The following RRAD variants were observed in gnomAD, a reference collection of about 807,000 sequenced individuals.
RRAD encodes the protein GTP-binding protein RAD.
RRAD carries 15 observed loss-of-function variants against 24.7 expected under a neutral mutation model. The observed-to-expected ratio is 0.61, with a 90% CI of 0.41 to 0.93. RRAD has a LOEUF of 0.93. Among genes scored for constraint, RRAD ranks in the 40% least tolerant of loss-of-function variants. The pLI is 0.00. For synonymous variants in RRAD, 180 were observed against 189.8 expected (o/e 0.95, Z 0.43); for missense variants, 438 against 452.2 (o/e 0.97, Z 0.29).
intron 4 of RRAD, among the ~76,000 whole-genome samples, chr16:66,922,961 G>A (rs1401014040): frequency 3.9e-5 from 6 of 152,332 alleles, no homozygotes; most frequent in East Asian, 1.9e-4. Flanking sequence ...GATTACAGGC[G>A]TTAGCCACCC....
In RRAD at chr16:66,924,011, C is replaced by T. The variant is rs1382367922; in HGVS notation, c.371-92G>A. On this transcript the variant is annotated intron_variant, in intron 2 of 4. Coordinates refer to ENST00000299759, the MANE Select transcript of RRAD (RefSeq NM_004165.3). This position sits in a 1 kb window ranked among gnomAD's most constrained non-coding sequence, Gnocchi z 4.2. Reference sequence around the variant, plus strand: ...TCTGGCCACACCCTCCAACTCTTCCCCAGAGCCCTCCTTACCCTCCACTCC... The same window carrying T: ...TCTGGCCACACCCTCCAACTCTTCCTCAGAGCCCTCCTTACCCTCCACTCC... 3.1e-6 allele frequency: 3 copies of T among 968,822 alleles called. No individual in the cohort carries two copies. Among genetic ancestry groups the T allele is most frequent in the African/African-American group, 3.2e-5 (2 of 62,478 alleles). The allele number at this position is 968,822 out of a possible 1,614,324, so 60.0% of individuals were successfully genotyped here.
In RRAD at chr16:66,923,692, C is replaced by T; in HGVS notation, c.473G>A (p.Cys158Tyr). Residue 158 changes from cysteine to tyrosine, a missense_variant, in exon 4 of 5, where the codon TGC becomes TAC. By Grantham distance (194) the Cys-to-Tyr change is radical. Transcript: ENST00000299759. This position sits in a 1 kb window ranked among gnomAD's most constrained non-coding sequence, Gnocchi z 4.9. ...QDGGRWLPGH[C>Y]MAMGDAYVIV... Reference sequence around the variant, plus strand: ...GACATAGGCATCCCCCATGGCCATGCAGTGGCCGGGCAACCAGCGGCCCCC... The same window carrying T: ...GACATAGGCATCCCCCATGGCCATGTAGTGGCCGGGCAACCAGCGGCCCCC... The T allele has an allele frequency of 6.2e-7, 1 of 1,614,128 alleles. No individual in the cohort carries two copies. Among genetic ancestry groups the T allele is most frequent in the Non-Finnish European group, 8.5e-7 (1 of 1,180,016 alleles).
In RRAD at chr16:66,924,999, C is replaced by G. The variant is rs761881979; in HGVS notation, c.181G>C (p.Ala61Pro). 152 of 1,431,092 alleles carry G rather than the reference C, an allele frequency of 1.1e-4. 2 individuals carry two copies. The South Asian group carries it at 1.8e-3, about 17-fold the overall frequency. The allele number at this position is 1,431,092 out of a possible 1,614,324, so 88.6% of individuals were successfully genotyped here. The change falls in exon 2 of 5, where the codon GCC becomes CCC. Residue 61 changes from alanine (A) to proline (P), a missense_variant. Physicochemically the swap from Ala to Pro is conservative, Grantham distance 27. Coordinates refer to ENST00000299759, the MANE Select transcript of RRAD (RefSeq NM_004165.3). This position sits in a 1 kb window ranked among gnomAD's most constrained non-coding sequence, Gnocchi z 4.2. Reference protein sequence around the residue: ...LTPGALTAAAAGTGTQGPRLD... With the variant: ...LTPGALTAAAPGTGTQGPRLD... ...CTGGGACCCTGGGTCCCCGTCCCGG[C>G]CGCGGCCGCCGTCAGGGCACCCGGG...
In RRAD at chr16:66,923,482, C is replaced by G. The variant is rs767466375; in HGVS notation, c.649+34G>C. The stretch of plus-strand genomic sequence containing the variant: ...CTGCCTGGATCAGGGCCCAGCTGGG[C>G]TCTCCCTCCCCCTGCAACCTGCCGC... On this transcript the variant is annotated intron_variant, in intron 4 of 4. Coordinates refer to ENST00000299759, the MANE Select transcript of RRAD (RefSeq NM_004165.3). The surrounding 1 kb of genome is among the most constrained non-coding windows in gnomAD (Gnocchi z 4.9). 1.9e-6 allele frequency: 3 copies of G among 1,561,056 alleles called. No homozygotes were observed. The Admixed American group carries it at 5.1e-5, about 26-fold the overall frequency.
Position 66,923,246 on chromosome 16 carries a change from C to G in RRAD, c.649+270G>C, listed in dbSNP as rs183365824. On this transcript the variant is annotated intron_variant, in intron 4 of 4. Coordinates refer to ENST00000299759, the MANE Select transcript of RRAD (RefSeq NM_004165.3). The surrounding 1 kb of genome is among the most constrained non-coding windows in gnomAD (Gnocchi z 4.9). ...CACTCTCTTCCACCCATTTACCCCC[C>G]CAACCAGCCAGGCCAGGACCAAGAG... 6.5e-4 allele frequency among the ~76,000 whole-genome samples: 99 copies of G among 152,298 alleles called. 1 individual carries two copies. Among genetic ancestry groups the G allele is most frequent in the Middle Eastern group, 3.4e-3 (1 of 294 alleles).
chr16:66,924,884 G>GC lies in RRAD; in HGVS notation c.295dup (p.Ala99GlyfsTer21). On this transcript the variant is annotated frameshift_variant, in exon 2 of 5. Coordinates refer to ENST00000299759, the MANE Select transcript of RRAD (RefSeq NM_004165.3). LOFTEE classifies it high-confidence loss of function. This position sits in a 1 kb window ranked among gnomAD's most constrained non-coding sequence, Gnocchi z 4.2. ...CAGGGCGCTCTTGCCCACGCCGGGCGCCCCCAGCAGCAGCACCTTGTAAAC... is the reference window on the plus strand; with the variant it reads ...CAGGGCGCTCTTGCCCACGCCGGGCGCCCCCCAGCAGCAGCACCTTGTAAAC... 1 of 1,584,772 alleles carries GC rather than the reference G, an allele frequency of 6.3e-7. No homozygotes were observed. Among genetic ancestry groups the GC allele is most frequent in the Non-Finnish European group, 8.5e-7 (1 of 1,170,382 alleles).
chr16:66,921,986 T>C lies in RRAD; in HGVS notation c.*90A>G, dbSNP rs771447789. The C allele has an allele frequency of 8.1e-7, 1 of 1,230,952 alleles. No individual in the cohort carries two copies. Among genetic ancestry groups the C allele is most frequent in the Non-Finnish European group, 1.1e-6 (1 of 877,138 alleles). 76.3% of individuals were successfully genotyped at this position (1,230,952 alleles called of 1,614,324 possible). ...TGGCAGCTCCGAGGGACCCAGAGTC[T>C]GAGCCTGCTCTGAGGCACCCGGGGC... is the stretch of plus-strand genomic sequence containing the variant. On this transcript the variant is annotated 3_prime_UTR_variant, in exon 5 of 5. Coordinates refer to ENST00000299759, the MANE Select transcript of RRAD (RefSeq NM_004165.3).
chr16:66,922,197 C>A lies in RRAD; in HGVS notation c.806G>T (p.Arg269Leu). 6.2e-7 allele frequency: 1 copy of A among 1,614,236 alleles called. No individual in the cohort carries two copies. Among genetic ancestry groups the A allele is most frequent in the Non-Finnish European group, 8.5e-7 (1 of 1,180,030 alleles). The change falls in exon 5 of 5, where the codon CGG becomes CTG. Residue 269 changes from arginine to leucine, a missense_variant. Arg to Leu is a moderately radical substitution (Grantham distance 102, BLOSUM62 -2). Transcript: ENST00000299759. ...CTTTTTGCCAAGGCTCTCTCGCCTC[C>A]GGGTGCCTGCTTGCCGTCGTGCGTT... ...EANARRQAGTRRRESLGKKAK... is the reference protein window; with the variant it reads ...EANARRQAGTLRRESLGKKAK...
In RRAD at chr16:66,924,768, G is replaced by A; in HGVS notation, c.370+42C>T. 7.0e-7 allele frequency: 1 copy of A among 1,418,562 alleles called. No individual in the cohort carries two copies. The highest frequency in any genetic ancestry group is 9.3e-7 in the Non-Finnish European group (1 of 1,073,248). The allele number at this position is 1,418,562 out of a possible 1,614,324, so 87.9% of individuals were successfully genotyped here. A position where few individuals can be genotyped will look rare whatever the true frequency, so the allele number is the denominator to read the frequency against. ...GTACCGGTCTCAGCCCCTAGTCCTAGCCCCGGGATCGCCCCTCCCCTGAAC... is the reference window on the plus strand; with the variant it reads ...GTACCGGTCTCAGCCCCTAGTCCTAACCCCGGGATCGCCCCTCCCCTGAAC... On this transcript the variant is annotated intron_variant, in intron 2 of 4. Coordinates refer to ENST00000299759, the MANE Select transcript of RRAD (RefSeq NM_004165.3). This position sits in a 1 kb window ranked among gnomAD's most constrained non-coding sequence, Gnocchi z 4.2.
Position 66,922,017 on chromosome 16 carries a change from G to A in RRAD, c.*59C>T, listed in dbSNP as rs1391972993. 6.6e-7 allele frequency: 1 copy of A among 1,516,484 alleles called. No homozygotes were observed. The highest frequency in any genetic ancestry group is 1.2e-5 in the South Asian group (1 of 81,000). 93.9% of individuals were successfully genotyped at this position (1,516,484 alleles called of 1,614,324 possible). On this transcript the variant is annotated 3_prime_UTR_variant, in exon 5 of 5. Transcript: ENST00000299759. ...TGCTCTGAGGCACCCGGGGCAGTTGGCTGGGCCAGCCCACCAACCCTTCCG... is the reference window on the plus strand; with the variant it reads ...TGCTCTGAGGCACCCGGGGCAGTTGACTGGGCCAGCCCACCAACCCTTCCG...
At position 66,925,283 on chromosome 16, in the gene RRAD, G is replaced by T; in HGVS notation, c.-15-89C>A. On this transcript the variant is annotated intron_variant, in intron 1 of 4. Coordinates refer to ENST00000299759, the MANE Select transcript of RRAD (RefSeq NM_004165.3). The surrounding 1 kb of genome is among the most constrained non-coding windows in gnomAD (Gnocchi z 5.2). ...TGCCCAACCCGGAGTCAGGCGGGAT[G>T]CTCCGGCCGAGGTCCCGCCGCAGCC... The T allele has an allele frequency of 8.9e-7, 1 of 1,118,542 alleles. No homozygotes were observed. 69.3% of individuals were successfully genotyped at this position (1,118,542 alleles called of 1,614,324 possible).
At position 66,923,537 on chromosome 16, in the gene RRAD, A is replaced by G; in HGVS notation, c.628T>C (p.Ser210Pro). ...LVGNKSDLVRSREVSVDEGRA... is the reference protein window; with the variant it reads ...LVGNKSDLVRPREVSVDEGRA... Reference sequence around the variant, plus strand: ...TCACCATCCACCGAGACCTCACGAGAGCGCACCAGGTCGCTCTTGTTGCCC... The same window carrying G: ...TCACCATCCACCGAGACCTCACGAGGGCGCACCAGGTCGCTCTTGTTGCCC... The change falls in exon 4 of 5, where the codon TCT becomes CCT. Residue 210 changes from serine (S) to proline (P), a missense_variant. By Grantham distance (74) the Ser-to-Pro change is moderately conservative. Transcript: ENST00000299759. This position sits in a 1 kb window ranked among gnomAD's most constrained non-coding sequence, Gnocchi z 4.9. 1.2e-6 allele frequency: 2 copies of G among 1,607,628 alleles called. No homozygotes were observed. The highest frequency in any genetic ancestry group is 1.7e-6 in the Non-Finnish European group (2 of 1,179,212).
rs1275732132 is a variant in RRAD at position 66,924,482 on chromosome 16, T to G, written c.370+328A>C. Among the ~76,000 whole-genome samples, 1 of 151,976 alleles carries G rather than the reference T, an allele frequency of 6.6e-6. No homozygotes were observed. Among genetic ancestry groups the G allele is most frequent in the Non-Finnish European group, 1.5e-5 (1 of 68,000 alleles). ...AAATTCCAGACCAGCCTGGCCAACA[T>G]GGTGAAACCCCAACTCTACTAAAAA... On this transcript the variant is annotated intron_variant, in intron 2 of 4. Transcript: ENST00000299759. The surrounding 1 kb of genome is among the most constrained non-coding windows in gnomAD (Gnocchi z 4.2).
intron 4 of RRAD, among the ~76,000 whole-genome samples, chr16:66,922,840 G>A (rs1596993504): frequency 6.6e-6 from 1 of 151,940 alleles, no homozygotes; most frequent in South Asian, 2.1e-4. Context: ...CCGCCACCAC[G>A]CCCGGCTAAT....
Position 66,922,343 on chromosome 16 carries a change from G to A in RRAD, c.660C>T (p.Ala220=). 1.9e-6 allele frequency: 3 copies of A among 1,588,780 alleles called. No individual in the cohort carries two copies. The highest frequency in any genetic ancestry group is 2.6e-6 in the Non-Finnish European group (3 of 1,163,734). The change falls in exon 5 of 5, where the codon GCC becomes GCT. Residue 220 remains alanine (A), a synonymous_variant. Transcript: ENST00000299759. ...SREVSVDEGR[A]CAVVFDCKFI... ...ACTTGCAGTCAAAGACCACCGCGCA[G>A]GCCCGGCCCTCTGTGTGGGTGGGGA...
Position 66,925,245 on chromosome 16 carries a change from C to G in RRAD, c.-15-51G>C. 1 of 1,207,696 alleles carries G rather than the reference C, an allele frequency of 8.3e-7. No individual in the cohort carries two copies. The highest frequency in any genetic ancestry group is 1.0e-6 in the Non-Finnish European group (1 of 971,324). The allele number at this position is 1,207,696 out of a possible 1,614,324, so 74.8% of individuals were successfully genotyped here. A position where few individuals can be genotyped will look rare whatever the true frequency, so the allele number is the denominator to read the frequency against. ...CGTGTAAGCCGCGAGGGAGGCGGGA[C>G]CCGGGGCGCACCTGCCCAACCCGGA... On this transcript the variant is annotated intron_variant, in intron 1 of 4. Coordinates refer to ENST00000299759, the MANE Select transcript of RRAD (RefSeq NM_004165.3). This position sits in a 1 kb window ranked among gnomAD's most constrained non-coding sequence, Gnocchi z 5.2.
chr16:66,925,024 G>C lies in RRAD; in HGVS notation c.156C>G (p.Thr52=), dbSNP rs750665525. 2.9e-6 allele frequency: 4 copies of C among 1,387,902 alleles called. No individual in the cohort carries two copies. The highest frequency in any genetic ancestry group is 3.8e-6 in the Non-Finnish European group (4 of 1,066,146). 86.0% of individuals were successfully genotyped at this position (1,387,902 alleles called of 1,614,324 possible). A position where few individuals can be genotyped will look rare whatever the true frequency, so the allele number is the denominator to read the frequency against. Residue 52 remains threonine, a synonymous_variant, in exon 2 of 5, where the codon ACC becomes ACG. Transcript: ENST00000299759. This position sits in a 1 kb window ranked among gnomAD's most constrained non-coding sequence, Gnocchi z 5.2. The stretch of plus-strand genomic sequence containing the variant: ...CCGCGGCCGCCGTCAGGGCACCCGG[G>C]GTCAGCGCCGCCTGCAGGTCGCGCT... ...VDERDLQAAL[T]PGALTAAAAG... is the part of the protein sequence containing the mutation.
In RRAD at chr16:66,924,778, C is replaced by A; in HGVS notation, c.370+32G>T. On this transcript the variant is annotated intron_variant, in intron 2 of 4. Transcript: ENST00000299759. The surrounding 1 kb of genome is among the most constrained non-coding windows in gnomAD (Gnocchi z 4.2). ...CAGCCCCTAGTCCTAGCCCCGGGAT[C>A]GCCCCTCCCCTGAACAGCTGGGTCC... is the stretch of plus-strand genomic sequence containing the variant. 1.4e-6 allele frequency: 2 copies of A among 1,428,404 alleles called. No individual in the cohort carries two copies. Among genetic ancestry groups the A allele is most frequent in the African/African-American group, 1.4e-5 (1 of 70,296 alleles). The allele number at this position is 1,428,404 out of a possible 1,614,324, so 88.5% of individuals were successfully genotyped here. A position where few individuals can be genotyped will look rare whatever the true frequency, so the allele number is the denominator to read the frequency against.
rs568876674 is a variant in RRAD, at chr16:66,922,933, G to A, written c.650-580C>T. ...CCTGACCTCGTGATCCACCCGCCTC[G>A]GCCTCCCAAAGTGCTGGGATTACAG... On this transcript the variant is annotated intron_variant, in intron 4 of 4. Transcript: ENST00000299759. Among the ~76,000 whole-genome samples the A allele has an allele frequency of 5.9e-5, 9 of 152,278 alleles. No individual in the cohort carries two copies. In the East Asian group the frequency reaches 9.7e-4, roughly 16 times the overall value.
Sources: gnomAD v4.1 joint callset for allele counts (sites outside exome capture counted in the v4.1 genomes callset) on GRCh38, gnomAD v4.1.1 for gene constraint, Gnocchi (gnomAD v3.1) non-coding constraint, MANE v1.5 for transcripts, NCBI Gene and HGNC (gene_info 2026-07-23, HGNC 2026-07-21) for gene names.